KIAA1217: variants seen among roughly 807,000 people sequenced by gnomAD.
The protein encoded by KIAA1217 is sickle tail protein homolog.
In KIAA1217, 88 loss-of-function variants were observed where a neutral mutation model predicts 163.9. The observed-to-expected ratio is 0.54, with a 90% CI of 0.45 to 0.64. KIAA1217 has a LOEUF of 0.64. Among genes scored for constraint, KIAA1217 ranks in the 30% least tolerant of loss-of-function variants. The probability of loss-of-function intolerance (pLI) is 0.00; values close to 1 mark genes in which losing one functional copy is unlikely to be tolerated. For synonymous variants in KIAA1217, 903 were observed against 923.1 expected (o/e 0.98, Z 0.39); for missense variants, 2,372 against 2,475.0 (o/e 0.96, Z 0.88).
At chr10:23,807,665 T>A (rs989860242) in intron 1 of KIAA1217, among the ~76,000 whole-genome samples, 6 of 152,220 alleles carry the variant, frequency 3.9e-5, no homozygotes, top group African/African-American at 1.4e-4. Flanking sequence ...TGAAACAACT[T>A]CCCAGCCTTT....
At chr10:24,131,652 A>G (rs757759378) in intron 2 of KIAA1217, among the ~76,000 whole-genome samples, 4 of 152,222 alleles carry the variant, frequency 2.6e-5, no homozygotes, top group Non-Finnish European at 4.4e-5. Context: ...CAGGCCCGAG[A>G]AAATGATAAA....
intron 2 of KIAA1217, among the ~76,000 whole-genome samples, chr10:24,231,521 G>A (rs2071410453): frequency 6.6e-6 from 1 of 152,114 alleles, no homozygotes; most frequent in Non-Finnish European, 1.5e-5. Context: ...AGGCCCGTGA[G>A]CAAAGAATAT....
At chr10:23,774,436 C>A (rs1472943746) in intron 1 of KIAA1217, among the ~76,000 whole-genome samples, 2 of 152,150 alleles carry the variant, frequency 1.3e-5, no homozygotes, top group Non-Finnish European at 2.9e-5. Flanking sequence ...CCTGTGGAGC[C>A]AAAGAGACCT....
At chr10:24,439,645 C>CT (rs1334581915) in intron 5 of KIAA1217, among the ~76,000 whole-genome samples, 3 of 142,774 alleles carry the variant, frequency 2.1e-5, no homozygotes, top group South Asian at 2.3e-4. Context: ...TAGGGAGAAT[C>CT]TTTTCTTTTT....
At chr10:23,973,197 T>C (rs1845394025) in intron 1 of KIAA1217, among the ~76,000 whole-genome samples, 1 of 152,166 alleles carries the variant, frequency 6.6e-6, no homozygotes. Flanking sequence ...GCATCCTTGT[T>C]ATGTAGATGC....
intron 1 of KIAA1217, among the ~76,000 whole-genome samples, chr10:23,829,511 A>G (rs1467542698): frequency 6.6e-6 from 1 of 152,334 alleles, no homozygotes; most frequent in Admixed American, 6.5e-5. Context: ...TAAGATTCAG[A>G]TATGATATAT....
At chr10:24,327,966 C>T (rs576841292) in intron 2 of KIAA1217, among the ~76,000 whole-genome samples, 32 of 152,256 alleles carry the variant, frequency 2.1e-4, no homozygotes, top group African/African-American at 7.2e-4. Context: ...TGCAGTCATG[C>T]TTCACCCTAT....
At chr10:23,993,288 T>C (rs942779564) in intron 1 of KIAA1217, among the ~76,000 whole-genome samples, 1 of 151,888 alleles carries the variant, frequency 6.6e-6, no homozygotes, top group Non-Finnish European at 1.5e-5. Context: ...TGCCTCGCCC[T>C]CCCAAAGTGC....
chr10:23,840,964 C>A (rs964983245), intron 1 of KIAA1217, among the ~76,000 whole-genome samples: 3 of 152,214 alleles, frequency 2.0e-5, no homozygotes, highest in Admixed American at 6.5e-5. Flanking sequence ...AGGCCAACAA[C>A]TTCTAGCTAC....
intron 2 of KIAA1217, among the ~76,000 whole-genome samples, chr10:24,304,438 C>G (rs868687561): frequency 1.3e-5 from 2 of 152,076 alleles, no homozygotes; most frequent in Non-Finnish European, 2.9e-5. Context: ...TTCCTGGGCT[C>G]AAGCAATCTT....
chr10:23,740,784 A>G (rs1263301659), intron 1 of KIAA1217, among the ~76,000 whole-genome samples: 3 of 152,022 alleles, frequency 2.0e-5, no homozygotes, highest in Admixed American at 1.3e-4. Context: ...AGATTAAAAA[A>G]AAAAAAATGG....
intron 9 of KIAA1217, among the ~76,000 whole-genome samples, chr10:24,502,918 C>A (rs575795057): frequency 6.6e-6 from 1 of 152,198 alleles, no homozygotes; most frequent in African/African-American, 2.4e-5. Flanking sequence ...ATGTGGAAGG[C>A]AGAGGTTGCA....
At chr10:24,052,781 A>G (rs564749134) in intron 2 of KIAA1217, among the ~76,000 whole-genome samples, 2 of 152,216 alleles carry the variant, frequency 1.3e-5, no homozygotes, top group African/African-American at 4.8e-5. Flanking sequence ...ATTTTCTTAT[A>G]TTGTTATATG....
intron 2 of KIAA1217, among the ~76,000 whole-genome samples, chr10:24,111,537 A>G (rs1427127813): frequency 6.6e-6 from 1 of 152,200 alleles, no homozygotes; most frequent in Non-Finnish European, 1.5e-5. Context: ...AACTATCTAA[A>G]ATAGCTTAAA....
chr10:23,725,188 C>T (rs893252119), intron 1 of KIAA1217, among the ~76,000 whole-genome samples: 3 of 152,188 alleles, frequency 2.0e-5, no homozygotes, highest in African/African-American at 7.2e-5. Context: ...CTTCAGCACC[C>T]TGGTATAGTT....
chr10:24,499,004 G>A (rs1161345779), intron 8 of KIAA1217, among the ~76,000 whole-genome samples: 1 of 152,192 alleles, frequency 6.6e-6, no homozygotes, highest in Non-Finnish European at 1.5e-5. Flanking sequence ...TTTGGCTGAG[G>A]AATTAGCAGA....
At chr10:23,741,634 G>T (rs1564382256) in intron 1 of KIAA1217, among the ~76,000 whole-genome samples, 1 of 152,200 alleles carries the variant, frequency 6.6e-6, no homozygotes, top group Non-Finnish European at 1.5e-5. Context: ...TGTACATGCA[G>T]AGCCAGCTCT....
intron 3 of KIAA1217, among the ~76,000 whole-genome samples, chr10:24,387,400 A>G (rs2054161655): frequency 6.6e-6 from 1 of 152,242 alleles, no homozygotes; most frequent in African/African-American, 2.4e-5. Context: ...GATGGGACAT[A>G]TCTCAAAATA....
At chr10:24,006,831 T>TA (rs1408893305) in intron 1 of KIAA1217, among the ~76,000 whole-genome samples, 1 of 152,162 alleles carries the variant, frequency 6.6e-6, no homozygotes, top group Non-Finnish European at 1.5e-5. Flanking sequence ...TCATCCTTAA[T>TA]AAAGGGATTA....
Sources: gnomAD v4.1 joint callset for allele counts (sites outside exome capture counted in the v4.1 genomes callset) on GRCh38, gnomAD v4.1.1 for gene constraint, MANE v1.5 for transcripts, NCBI Gene and HGNC (gene_info 2026-07-23, HGNC 2026-07-21) for gene names.